Variants in SCN2A observed in about 807,000 individuals in gnomAD.
The protein encoded by SCN2A is sodium channel protein type 2 subunit alpha.
SCN2A carries 20 observed loss-of-function variants against 188.7 expected under a neutral mutation model. That is an observed-to-expected ratio of 0.11 (90% CI 0.07 to 0.15). The LOEUF is 0.15. Among genes scored for constraint, SCN2A ranks in the 10% least tolerant of loss-of-function variants. SCN2A has a pLI of 1.00. For missense variants in SCN2A, 1,278 were observed against 2,445.0 expected (o/e 0.52, Z 10.07); for synonymous variants, 804 against 833.1 (o/e 0.97, Z 0.60).
chr2:165,308,866 G>A, intron 5 of SCN2A, 72 bp downstream of exon 5: 2 of 1,583,028 alleles, frequency 1.3e-6, no homozygotes, highest in Non-Finnish European at 1.7e-6. Context: ...TATTTTCCTT[G>A]GTGGCTTGCC....
chr2:165,316,016 T>C (rs1697728702), intron 11 of SCN2A, among the ~76,000 whole-genome samples: 1 of 152,180 alleles, frequency 6.6e-6, no homozygotes, highest in African/African-American at 2.4e-5. Flanking sequence ...CTGAAAAATC[T>C]TGGAGAAATT....
chr2:165,327,110 C>G (rs1698398983), intron 13 of SCN2A, 126 bp downstream of exon 13: 4 of 1,227,982 alleles, frequency 3.3e-6, no homozygotes, highest in Non-Finnish European at 4.7e-6. Context: ...TACTAAATAA[C>G]AGTAAAATCC....
chr2:165,361,668 T>C (rs1700464071), intron 17 of SCN2A, among the ~76,000 whole-genome samples: 1 of 152,034 alleles, frequency 6.6e-6, no homozygotes. Context: ...ACAGATCCTG[T>C]GCTGCTCCGC....
At chr2:165,374,121 A>G (rs1419662109) in intron 21 of SCN2A, among the ~76,000 whole-genome samples, 1 of 152,114 alleles carries the variant, frequency 6.6e-6, no homozygotes, top group Non-Finnish European at 1.5e-5. Flanking sequence ...TGGTGTGTGT[A>G]GATGTGTGTC....
chr2:165,319,888 C>T (rs1697981128), intron 11 of SCN2A, among the ~76,000 whole-genome samples: 1 of 152,132 alleles, frequency 6.6e-6, no homozygotes, highest in Non-Finnish European at 1.5e-5. Flanking sequence ...CATTCCACCC[C>T]CGGCCCCTCC....
chr2:165,314,391 A>C (rs576806156), intron 10 of SCN2A, among the ~76,000 whole-genome samples: 1 of 152,274 alleles, frequency 6.6e-6, no homozygotes, highest in Non-Finnish European at 1.5e-5. Flanking sequence ...CAAAGGCCTC[A>C]TGTACTCAAA....
At chr2:165,290,442 T>C (rs558332955) in intron 1 of SCN2A, among the ~76,000 whole-genome samples, 1 of 152,298 alleles carries the variant, frequency 6.6e-6, no homozygotes, top group African/African-American at 2.4e-5. Flanking sequence ...TCTATTTCAT[T>C]AGGTTGCTAT....
chr2:165,345,092 A>G (rs1429730418), intron 16 of SCN2A, among the ~76,000 whole-genome samples, 181 bp downstream of exon 16: 1 of 152,084 alleles, frequency 6.6e-6, no homozygotes, highest in East Asian at 1.9e-4. Context: ...CCCTTAAACT[A>G]CCTTTTGAAC....
Position 165,326,314 on chromosome 2 carries a change from C to A in SCN2A, c.2017-538C>A, listed in dbSNP as rs147410779. Among the ~76,000 whole-genome samples the A allele has an allele frequency of 8.2e-3, 1,242 of 152,174 alleles. 24 individuals are homozygous for A. The highest frequency in any genetic ancestry group is 0.028 in the African/African-American group (1,150 of 41,498). On this transcript the variant is annotated intron_variant, in intron 12 of 26. Transcript: ENST00000375437. ...TATAGGACAAAGTTATAGACTAGTT[C>A]TAAAATTTAGTTTTGTAATTAGGAA...
Position 165,331,448 on chromosome 2 carries a change from A to G in SCN2A, c.2268A>G (p.Val756=), listed in dbSNP as rs1698668787. Residue 756 remains valine (V), a synonymous_variant, in exon 14 of 27, where the codon GTA becomes GTG. Transcript: ENST00000375437. ...TGAAACACCTTGTCAACCTGGTTGT[A>G]ATGGACCCATTTGTTGACCTGGCCA... The part of the protein sequence containing the change: ...LKVKHLVNLV[V]MDPFVDLAIT... 6.2e-7 allele frequency: 1 copy of G among 1,613,666 alleles called. No individual in the cohort carries two copies. The highest frequency in any genetic ancestry group is 8.5e-7 in the Non-Finnish European group (1 of 1,179,748).
chr2:165,319,712 A>G (rs935477198), intron 11 of SCN2A, among the ~76,000 whole-genome samples: 1 of 152,164 alleles, frequency 6.6e-6, no homozygotes, highest in Non-Finnish European at 1.5e-5. Context: ...GTTTCTCCCC[A>G]TATAACCACC....
At chr2:165,346,903 C>T (rs868030332) in intron 16 of SCN2A, among the ~76,000 whole-genome samples, 1 of 152,156 alleles carries the variant, frequency 6.6e-6, no homozygotes, top group African/African-American at 2.4e-5. Flanking sequence ...TACCACTTCA[C>T]GCCAGTTAGA....
In SCN2A at chr2:165,367,319, A is replaced by G. The variant is rs781032326; in HGVS notation, c.3623A>G (p.Asn1208Ser). 3.7e-6 allele frequency: 6 copies of G among 1,614,086 alleles called. No individual in the cohort carries two copies. The highest frequency in any genetic ancestry group is 4.5e-5 in the East Asian group (2 of 44,884). Residue 1208 changes from asparagine to serine, a missense_variant, in exon 19 of 27, where the codon AAT becomes AGT. Asn to Ser is a conservative substitution (Grantham distance 46). Coordinates refer to ENST00000375437, the MANE Select transcript of SCN2A (RefSeq NM_001040142.2). ...ACATGCTATAAGATAGTGGAGCACA[A>G]TTGGTTCGAAACCTTCATTGTCTTC... ...RKTCYKIVEH[N>S]WFETFIVFMI...
intron 25 of SCN2A, among the ~76,000 whole-genome samples, chr2:165,382,147 C>CTT (rs1338087698): frequency 6.6e-6 from 1 of 151,964 alleles, no homozygotes; most frequent in Non-Finnish European, 1.5e-5. Context: ...AAAATGTATA[C>CTT]TTCATAGCCA....
At chr2:165,343,354 G>T (rs1164819221) in intron 15 of SCN2A, among the ~76,000 whole-genome samples, 1 of 152,064 alleles carries the variant, frequency 6.6e-6, no homozygotes, top group East Asian at 1.9e-4. Flanking sequence ...CTCAAAGATA[G>T]TTATGAATCT....
intron 14 of SCN2A, among the ~76,000 whole-genome samples, chr2:165,335,526 G>T (rs1036744040): frequency 6.6e-6 from 1 of 151,660 alleles, no homozygotes; most frequent in African/African-American, 2.4e-5. Flanking sequence ...TCAACAAATG[G>T]TGCTTGGACA....
intron 14 of SCN2A, among the ~76,000 whole-genome samples, chr2:165,337,999 A>T (rs1699091890): frequency 6.6e-6 from 1 of 152,244 alleles, no homozygotes; most frequent in Admixed American, 6.5e-5. Context: ...TTTGGCATAC[A>T]GATTATTTCA....
In SCN2A at chr2:165,307,925, C is replaced by A; in HGVS notation, c.464C>A (p.Thr155Lys). The A allele has an allele frequency of 1.2e-6, 2 of 1,602,824 alleles. No homozygotes were observed. The highest frequency in any genetic ancestry group is 8.5e-7 in the Non-Finnish European group (1 of 1,169,966). ...FMTMSNPPDW[T>K]KNVEYTFTGI... ...ACCATGAGTAACCCTCCAGACTGGA[C>A]AAAGAATGTGGAGTAAGTATAAATA... The change falls in exon 4 of 27, where the codon ACA (threonine) becomes AAA (lysine). Residue 155 changes from threonine to lysine, a missense_variant. Physicochemically the swap from Thr to Lys is moderately conservative, Grantham distance 78 (BLOSUM62 -1). Around this residue, in one of 17 missense-constraint regions of SCN2A, gnomAD observed 37 missense variants for 154.9 expected, o/e 0.24. Coordinates refer to ENST00000375437, the MANE Select transcript of SCN2A (RefSeq NM_001040142.2).
intron 2 of SCN2A, 147 bp downstream of exon 2, chr2:165,296,237 A>G (rs1267646421): frequency 2.6e-6 from 2 of 771,848 alleles, no homozygotes; most frequent in East Asian, 2.6e-5. Context: ...GTAATGGACC[A>G]ATGATCCTAG....
Sources: gnomAD v4.1 joint callset for allele counts (sites outside exome capture counted in the v4.1 genomes callset) on GRCh38, gnomAD v4.1.1 for gene constraint, gnomAD v4.1.1 regional missense constraint, MANE v1.5 for transcripts, NCBI Gene and HGNC (gene_info 2026-07-23, HGNC 2026-07-21) for gene names.